Variants in SLC49A4 observed in about 807,000 individuals in gnomAD.
The protein encoded by SLC49A4 is disrupted in renal cancer protein 2.
SLC49A4 carries 36 observed loss-of-function variants against 50.6 expected under a neutral mutation model. The ratio of observed to expected loss-of-function variants is 0.71; its 90% CI spans 0.55 to 0.94. The LOEUF is 0.94. SLC49A4 is among the 40% of genes least tolerant of loss of function. The pLI is 0.00. For missense variants in SLC49A4, 503 were observed against 605.7 expected, an observed-to-expected ratio of 0.83 and a Z score of 1.78; for synonymous variants, 248 against 241.2, an observed-to-expected ratio of 1.03 and a Z score of -0.26.
chr3:122,795,610 C>T, intron 1 of SLC49A4, 75 bp downstream of exon 1: 1 of 1,506,320 alleles, frequency 6.6e-7, no homozygotes. Flanking sequence ...CCAGGCCTGC[C>T]AGCCGCCTCC....
chr3:122,827,873 A>C (rs977436639), intron 3 of SLC49A4, among the ~76,000 whole-genome samples: 3 of 152,232 alleles, frequency 2.0e-5, no homozygotes, highest in Non-Finnish European at 2.9e-5. Flanking sequence ...CTTCAACAAG[A>C]ATGTAATAAT....
At chr3:122,827,390 C>T (rs1368952595) in intron 3 of SLC49A4, among the ~76,000 whole-genome samples, 1 of 152,222 alleles carries the variant, frequency 6.6e-6, no homozygotes, top group African/African-American at 2.4e-5. Flanking sequence ...TATAAAACGT[C>T]ATGACTGACA....
intron 4 of SLC49A4, among the ~76,000 whole-genome samples, chr3:122,845,126 C>T (rs960318035): frequency 1.3e-5 from 2 of 152,066 alleles, no homozygotes; most frequent in African/African-American, 4.8e-5. Flanking sequence ...CACCCTGCAC[C>T]CTCAAGTTGG....
chr3:122,831,831 A>G (rs1401054421), intron 3 of SLC49A4, among the ~76,000 whole-genome samples: 2 of 152,110 alleles, frequency 1.3e-5, no homozygotes, highest in East Asian at 3.8e-4. Context: ...ATCATGCAAG[A>G]CATACAGGTG....
In SLC49A4 at chr3:122,795,103, G is replaced by A. The variant is rs545786357; in HGVS notation, c.-90G>A. ...GCCGAGGGCGACCACAGCAGCCTCC[G>A]CCTCCTGCTGCTCAGGACTATTCTG... On this transcript the variant is annotated 5_prime_UTR_variant, in exon 1 of 9. Transcript: ENST00000261038. 5.9e-5 allele frequency: 72 copies of A among 1,223,378 alleles called. 2 individuals are homozygous for A. The South Asian group carries it at 1.6e-3, about 26-fold the overall frequency. 75.8% of individuals were successfully genotyped at this position (1,223,378 alleles called of 1,614,324 possible).
intron 6 of SLC49A4, 113 bp from the exon 7 acceptor site, chr3:122,859,962 C>T: frequency 1.0e-6 from 1 of 975,246 alleles, no homozygotes; most frequent in Non-Finnish European, 1.4e-6. Flanking sequence ...TGAAAACTGT[C>T]TTTTAAAAGA....
At chr3:122,816,922 C>T (rs561218565) in intron 2 of SLC49A4, among the ~76,000 whole-genome samples, 1 of 152,146 alleles carries the variant, frequency 6.6e-6, no homozygotes, top group South Asian at 2.1e-4. Flanking sequence ...CTGTGAGGAG[C>T]GCTTTTACTC....
At chr3:122,809,031 C>T (rs568605323) in intron 2 of SLC49A4, among the ~76,000 whole-genome samples, 26 of 152,008 alleles carry the variant, frequency 1.7e-4, no homozygotes, top group South Asian at 8.3e-4. Flanking sequence ...AAGTTTCACT[C>T]GAGGGACTCT....
At chr3:122,878,840 G>A (rs1937297842) in intron 8 of SLC49A4, among the ~76,000 whole-genome samples, 5 of 152,126 alleles carry the variant, frequency 3.3e-5, no homozygotes, top group Admixed American at 6.5e-5. Context: ...ATATAAAAGT[G>A]TTATTTCAAA....
intron 8 of SLC49A4, among the ~76,000 whole-genome samples, chr3:122,874,473 G>A (rs1459229534): frequency 6.6e-6 from 1 of 152,200 alleles, no homozygotes; most frequent in Admixed American, 6.5e-5. Context: ...CTAGCTGGGA[G>A]AAACAAAACT....
intron 7 of SLC49A4, among the ~76,000 whole-genome samples, chr3:122,862,346 G>T (rs1937066965): frequency 6.6e-6 from 1 of 152,154 alleles, no homozygotes; most frequent in Non-Finnish European, 1.5e-5. Flanking sequence ...GGAAATCCCT[G>T]TTCTACACCA....
intron 4 of SLC49A4, among the ~76,000 whole-genome samples, chr3:122,839,862 A>G (rs753251620): frequency 2.0e-5 from 3 of 152,224 alleles, no homozygotes; most frequent in Non-Finnish European, 2.9e-5. Flanking sequence ...GAGATCTACC[A>G]TTCAACCCAG....
At chr3:122,872,031 C>T (rs1338531168) in intron 7 of SLC49A4, among the ~76,000 whole-genome samples, 1 of 152,068 alleles carries the variant, frequency 6.6e-6, no homozygotes, top group Non-Finnish European at 1.5e-5. Context: ...TTTTCAGTAA[C>T]ATTTAATGTT....
intron 4 of SLC49A4, among the ~76,000 whole-genome samples, chr3:122,836,521 G>A (rs1275189160): frequency 6.6e-6 from 1 of 152,248 alleles, no homozygotes; most frequent in East Asian, 1.9e-4. Flanking sequence ...AAATGAGTTA[G>A]GGAGGATTCC....
At chr3:122,802,630 A>G (rs6774610) in intron 1 of SLC49A4, among the ~76,000 whole-genome samples, 76,753 of 152,032 alleles carry the variant, frequency 0.5, 20,546 homozygotes, top group Non-Finnish European at 0.61. Flanking sequence ...ACAAATGTTC[A>G]AGAAGATAGA....
intron 2 of SLC49A4, among the ~76,000 whole-genome samples, chr3:122,809,562 A>C (rs951857114): frequency 6.6e-6 from 1 of 152,188 alleles, no homozygotes; most frequent in African/African-American, 2.4e-5. Context: ...CTCAAAAAAA[A>C]TACCTATTAA....
intron 4 of SLC49A4, among the ~76,000 whole-genome samples, chr3:122,837,148 A>G (rs924275100): frequency 1.2e-4 from 19 of 152,330 alleles, no homozygotes; most frequent in African/African-American, 3.1e-4. Context: ...AAGGTAATTT[A>G]TAGATTCAAT....
intron 2 of SLC49A4, among the ~76,000 whole-genome samples, chr3:122,819,005 G>C (rs1333469833): frequency 6.6e-6 from 1 of 151,704 alleles, no homozygotes; most frequent in East Asian, 1.9e-4. Flanking sequence ...TATAATCCTA[G>C]CACTTTCGGA....
At chr3:122,866,206 T>TG (rs899262498) in intron 7 of SLC49A4, among the ~76,000 whole-genome samples, 1 of 87,460 alleles carries the variant, frequency 1.1e-5, no homozygotes, top group Admixed American at 1.3e-4. Flanking sequence ...CTTTCGTTGT[T>TG]TTTTTTTTTT....
Sources: allele counts gnomAD v4.1 joint callset (sites outside exome capture counted in the v4.1 genomes callset), GRCh38; gene constraint gnomAD v4.1.1; transcripts MANE v1.5; gene names NCBI Gene and HGNC (gene_info 2026-07-23, HGNC 2026-07-21).